The following CCSER1 variants were observed in gnomAD, a reference collection of about 807,000 sequenced individuals.
CCSER1 encodes the protein coiled-coil serine rich protein 1, also known as serine-rich coiled-coil domain-containing protein 1.
A neutral mutation model predicts 82.0 loss-of-function variants in CCSER1; 41 were observed. That is an observed-to-expected ratio of 0.50 (90% CI 0.39 to 0.65). The LOEUF (loss-of-function observed/expected upper bound fraction) is 0.65. CCSER1 is among the 30% of genes least tolerant of loss of function. CCSER1 has a pLI of 0.00. For missense variants in CCSER1, 1,119 were observed against 1,064.2 expected, an observed-to-expected ratio of 1.05 and a Z score of -0.72; for synonymous variants, 414 against 383.9, an observed-to-expected ratio of 1.08 and a Z score of -0.92.
intron 10 of CCSER1, among the ~76,000 whole-genome samples, chr4:91,165,491 AG>A (rs1222689088): frequency 6.6e-6 from 1 of 152,220 alleles, no homozygotes; most frequent in Non-Finnish European, 1.5e-5. Flanking sequence ...TTAAGTCTGC[AG>A]AAGTTTCTGC....
intron 4 of CCSER1, among the ~76,000 whole-genome samples, chr4:90,422,798 G>A (rs1402187875): frequency 6.6e-6 from 1 of 152,100 alleles, no homozygotes. Context: ...ATGGATATTC[G>A]GGATAAGGTT....
chr4:90,527,297 C>G (rs868005276), intron 5 of CCSER1, among the ~76,000 whole-genome samples: 1 of 152,088 alleles, frequency 6.6e-6, no homozygotes, highest in Non-Finnish European at 1.5e-5. Flanking sequence ...TATGAACAGA[C>G]GCTTCTCAAA....
At chr4:90,855,720 A>G (rs911774805) in intron 8 of CCSER1, among the ~76,000 whole-genome samples, 1 of 152,162 alleles carries the variant, frequency 6.6e-6, no homozygotes, top group African/African-American at 2.4e-5. Context: ...TGGCTTCACT[A>G]TTAGATGACT....
intron 4 of CCSER1, among the ~76,000 whole-genome samples, chr4:90,465,106 G>A (rs1763448734): frequency 6.6e-6 from 1 of 151,946 alleles, no homozygotes; most frequent in South Asian, 2.1e-4. Context: ...CGGGATTACA[G>A]GCACGTGCCA....
At chr4:90,316,976 A>G (rs951405278) in intron 3 of CCSER1, among the ~76,000 whole-genome samples, 1 of 152,128 alleles carries the variant, frequency 6.6e-6, no homozygotes, top group Non-Finnish European at 1.5e-5. Context: ...TATTTTTCCA[A>G]TTTTTCTCTA....
At chr4:90,349,708 C>T (rs1298128250) in intron 3 of CCSER1, among the ~76,000 whole-genome samples, 2 of 150,406 alleles carry the variant, frequency 1.3e-5, no homozygotes, top group Admixed American at 1.3e-4. Flanking sequence ...GAACCTCTAA[C>T]AGTGCTTAAC....
At chr4:90,292,700 G>A (rs1014986567) in intron 1 of CCSER1, among the ~76,000 whole-genome samples, 12 of 151,806 alleles carry the variant, frequency 7.9e-5, no homozygotes, top group Non-Finnish European at 1.8e-4. Context: ...ATTGTTTGTG[G>A]ATATACTCAT....
At chr4:91,523,146 G>A (rs187688342) in intron 10 of CCSER1, among the ~76,000 whole-genome samples, 72 of 152,054 alleles carry the variant, frequency 4.7e-4, no homozygotes, top group Admixed American at 1.4e-3. Context: ...TGGTTTTGTC[G>A]TTTAGTTCTG....
chr4:91,175,880 T>C (rs967300366), intron 10 of CCSER1, among the ~76,000 whole-genome samples: 4 of 152,264 alleles, frequency 2.6e-5, no homozygotes, highest in African/African-American at 9.6e-5. Flanking sequence ...TTTGGTGTTT[T>C]AGTCATGAAG....
intron 1 of CCSER1, among the ~76,000 whole-genome samples, chr4:90,253,300 A>G (rs575620922): frequency 6.6e-6 from 1 of 152,242 alleles, no homozygotes; most frequent in African/African-American, 2.4e-5. Context: ...CTGAAATTTT[A>G]ATTTTTAGTG....
At chr4:90,474,139 C>CA (rs113535187) in intron 5 of CCSER1, among the ~76,000 whole-genome samples, 5,062 of 101,836 alleles carry the variant, frequency 0.05, 195 homozygotes, top group African/African-American at 0.11. Flanking sequence ...GATTCCCTCT[C>CA]AAAAAAAAAA....
intron 10 of CCSER1, among the ~76,000 whole-genome samples, chr4:91,463,274 C>A (rs1208165958): frequency 6.6e-6 from 1 of 152,186 alleles, no homozygotes; most frequent in Admixed American, 6.5e-5. Context: ...CCAGCAAACT[C>A]AACAGACCTG....
intron 6 of CCSER1, among the ~76,000 whole-genome samples, chr4:90,720,434 A>G (rs1742478789): frequency 6.6e-6 from 1 of 152,094 alleles, no homozygotes; most frequent in Non-Finnish European, 1.5e-5. Flanking sequence ...CTTGTAAAAG[A>G]TTCTTTCATT....
At chr4:91,332,277 T>C (rs1270120164) in intron 10 of CCSER1, among the ~76,000 whole-genome samples, 1 of 151,976 alleles carries the variant, frequency 6.6e-6, no homozygotes, top group African/African-American at 2.4e-5. Flanking sequence ...AATTTTCTTC[T>C]TTTAATCTGG....
At chr4:90,939,855 G>A (rs1013135122) in intron 9 of CCSER1, among the ~76,000 whole-genome samples, 7 of 151,916 alleles carry the variant, frequency 4.6e-5, no homozygotes, top group East Asian at 1.9e-4. Context: ...AACACCCTCC[G>A]TGATCTAAAA....
chr4:91,298,326 G>T (rs1446781348), intron 10 of CCSER1, among the ~76,000 whole-genome samples: 1 of 152,032 alleles, frequency 6.6e-6, no homozygotes, highest in Non-Finnish European at 1.5e-5. Context: ...GGAAGCTGCA[G>T]AAAACCACTG....
chr4:90,810,585 C>A (rs1017554035), intron 7 of CCSER1, among the ~76,000 whole-genome samples: 1 of 151,556 alleles, frequency 6.6e-6, no homozygotes, highest in Non-Finnish European at 1.5e-5. Context: ...GCAGATGTTG[C>A]GGTGAGCCGA....
chr4:90,931,968 A>G (rs1729876492), intron 9 of CCSER1, among the ~76,000 whole-genome samples: 1 of 152,214 alleles, frequency 6.6e-6, no homozygotes, highest in African/African-American at 2.4e-5. Flanking sequence ...ATAAAAAGCC[A>G]TAGAGAGCTA....
chr4:91,355,070 C>G (rs1035112190), intron 10 of CCSER1, among the ~76,000 whole-genome samples: 2 of 152,174 alleles, frequency 1.3e-5, no homozygotes, highest in African/African-American at 2.4e-5. Context: ...AGCTCCCACT[C>G]ATGCAGGAGG....
Sources: gnomAD v4.1 joint callset for allele counts (sites outside exome capture counted in the v4.1 genomes callset) on GRCh38, gnomAD v4.1.1 for gene constraint, MANE v1.5 for transcripts, NCBI Gene and HGNC (gene_info 2026-07-23, HGNC 2026-07-21) for gene names.